TTC7B: variants seen among roughly 807,000 people sequenced by gnomAD.
The protein encoded by TTC7B is tetratricopeptide repeat domain 7B.
Under a neutral mutation model 106.8 loss-of-function variants are expected in TTC7B, and 28 were observed. The ratio of observed to expected loss-of-function variants is 0.26; its 90% CI spans 0.19 to 0.36. The LOEUF (loss-of-function observed/expected upper bound fraction) is 0.36. TTC7B is among the 10% of genes least tolerant of loss of function. The pLI is 1.00. For missense variants in TTC7B, 862 were observed against 1,076.4 expected, an observed-to-expected ratio of 0.80 and a Z score of 2.79; for synonymous variants, 405 against 430.6, an observed-to-expected ratio of 0.94 and a Z score of 0.74.
intron 3 of TTC7B, among the ~76,000 whole-genome samples, chr14:90,770,653 CAA>C (rs1376952647): frequency 2.6e-4 from 27 of 105,018 alleles, no homozygotes; most frequent in Admixed American, 3.1e-4. Flanking sequence ...AACTCCATCT[CAA>C]AAAAAAAAAA....
At chr14:90,646,495 T>A (rs1268753403) in intron 14 of TTC7B, among the ~76,000 whole-genome samples, 1 of 152,176 alleles carries the variant, frequency 6.6e-6, no homozygotes, top group Non-Finnish European at 1.5e-5. Flanking sequence ...AAGGACCTGG[T>A]TCTTTTGTCT....
In TTC7B at chr14:90,668,827, CTTTTTTT is replaced by C. The variant is rs11291974; in HGVS notation, c.1152+7689_1152+7695del. ...CAATGCATCCCTATCAAAATTTCAA[CTTTTTTT>C]TTTTTTTTTTTTTTTTTTTTGCAGT... On this transcript the variant is annotated intron_variant, in intron 9 of 19. Transcript: ENST00000328459. Among the ~76,000 whole-genome samples, 653 of 88,564 alleles carry C rather than the reference CTTTTTTT, an allele frequency of 7.4e-3. 3 individuals carry two copies. The highest frequency in any genetic ancestry group is 0.024 in the African/African-American group (548 of 22,468). 58.1% of individuals were successfully genotyped at this position (88,564 alleles called of 152,430 possible).
chr14:90,727,352 A>G, intron 5 of TTC7B, among the ~76,000 whole-genome samples: 1 of 152,208 alleles, frequency 6.6e-6, no homozygotes, highest in South Asian at 2.1e-4. Flanking sequence ...CTGGAGCCCA[A>G]GGAACTGTGT....
At chr14:90,558,111 C>A (rs1301976382) in intron 19 of TTC7B, among the ~76,000 whole-genome samples, 1 of 152,268 alleles carries the variant, frequency 6.6e-6, no homozygotes, top group Non-Finnish European at 1.5e-5. Flanking sequence ...TGTGCTGCAG[C>A]CACGCCTGCC....
At chr14:90,582,816 T>A (rs1421326309) in intron 18 of TTC7B, among the ~76,000 whole-genome samples, 1 of 152,194 alleles carries the variant, frequency 6.6e-6, no homozygotes, top group East Asian at 1.9e-4. Context: ...AAATTACACT[T>A]GCATGGGGCA....
At chr14:90,630,263 C>T (rs528437967) in intron 15 of TTC7B, among the ~76,000 whole-genome samples, 16 of 152,262 alleles carry the variant, frequency 1.1e-4, no homozygotes, top group East Asian at 5.8e-4. Flanking sequence ...AGCACAGAGC[C>T]AAAGCCTCAC....
At chr14:90,712,648 AT>A (rs1233349688) in intron 5 of TTC7B, among the ~76,000 whole-genome samples, 1 of 152,190 alleles carries the variant, frequency 6.6e-6, no homozygotes, top group Non-Finnish European at 1.5e-5. Flanking sequence ...GAGAGGTTGG[AT>A]TAGAATATTT....
intron 15 of TTC7B, among the ~76,000 whole-genome samples, chr14:90,632,757 A>G (rs1398218673): frequency 6.6e-6 from 1 of 152,228 alleles, no homozygotes; most frequent in African/African-American, 2.4e-5. Flanking sequence ...TCTTGGACAA[A>G]TTACTTAAAT....
At chr14:90,697,120 A>G (rs1186431422) in intron 5 of TTC7B, among the ~76,000 whole-genome samples, 21 of 152,210 alleles carry the variant, frequency 1.4e-4, no homozygotes, top group Admixed American at 1.3e-3. Context: ...ATAAGCTGTG[A>G]CTGAGGCAAC....
intron 5 of TTC7B, among the ~76,000 whole-genome samples, chr14:90,719,059 G>A (rs1267016015): frequency 1.3e-5 from 2 of 151,930 alleles, no homozygotes; most frequent in African/African-American, 2.4e-5. Flanking sequence ...CCAGGAGTTC[G>A]AGACCAGCCT....
chr14:90,585,393 C>G (rs143662425), intron 18 of TTC7B, among the ~76,000 whole-genome samples: 225 of 152,312 alleles, frequency 1.5e-3, no homozygotes, highest in African/African-American at 5.1e-3. Context: ...ACACATCATT[C>G]AGAGAGAAGT....
intron 15 of TTC7B, among the ~76,000 whole-genome samples, chr14:90,621,000 G>A (rs1884137232): frequency 6.6e-6 from 1 of 152,246 alleles, no homozygotes; most frequent in Admixed American, 6.5e-5. Flanking sequence ...GCATGAGAGA[G>A]GCTGGCAGAG....
chr14:90,551,746 C>T (rs983847092), intron 19 of TTC7B, among the ~76,000 whole-genome samples: 29 of 152,352 alleles, frequency 1.9e-4, no homozygotes, highest in African/African-American at 6.5e-4. Context: ...CTGAGGGCTG[C>T]CCTGCCTCCT....
chr14:90,622,546 T>A (rs995887707), intron 15 of TTC7B, among the ~76,000 whole-genome samples: 1 of 151,006 alleles, frequency 6.6e-6, no homozygotes, highest in Non-Finnish European at 1.5e-5. Flanking sequence ...CTGGGCAACA[T>A]GGTGAAACCC....
chr14:90,698,012 C>T (rs1265997966), intron 5 of TTC7B: 1 of 152,182 alleles, frequency 6.6e-6, no homozygotes, highest in Non-Finnish European at 1.5e-5. Context: ...AAGCTACAAC[C>T]CATTGCAATG....
Position 90,676,374 on chromosome 14 carries a change from G to C in TTC7B, c.1152+149C>G, listed in dbSNP as rs1028023519. ...TTTAGCCCAAGGCCCATTCTACAGGGGAGAAAACCAAAGTTAAGTGACTGG... is the reference window on the plus strand; with the variant it reads ...TTTAGCCCAAGGCCCATTCTACAGGCGAGAAAACCAAAGTTAAGTGACTGG... On this transcript the variant is annotated intron_variant, in intron 9 of 19. Coordinates refer to ENST00000328459, the MANE Select transcript of TTC7B (RefSeq NM_001010854.2). The C allele has an allele frequency of 7.2e-5, 61 of 843,932 alleles. No homozygotes were observed. In the African/African-American group the frequency reaches 9.3e-4, roughly 13 times the overall value. 52.3% of individuals were successfully genotyped at this position (843,932 alleles called of 1,614,324 possible).
At chr14:90,643,636 G>T (rs950077625) in intron 15 of TTC7B, among the ~76,000 whole-genome samples, 1 of 152,094 alleles carries the variant, frequency 6.6e-6, no homozygotes, top group African/African-American at 2.4e-5. Context: ...GGAATGCAGT[G>T]CAGGGGTACA....
At chr14:90,618,339 C>G (rs72691735) in intron 15 of TTC7B, among the ~76,000 whole-genome samples, 2,203 of 152,350 alleles carry the variant, frequency 0.014, 30 homozygotes, top group Non-Finnish European at 0.025. Flanking sequence ...TAAAAGCATG[C>G]TTTTTAGAAC....
At chr14:90,672,013 G>A (rs1229396931) in intron 9 of TTC7B, among the ~76,000 whole-genome samples, 2 of 152,206 alleles carry the variant, frequency 1.3e-5, no homozygotes, top group Non-Finnish European at 2.9e-5. Context: ...GGGTGCCAAG[G>A]ACAGGAGAGA....
Sources: allele counts gnomAD v4.1 joint callset (sites outside exome capture counted in the v4.1 genomes callset), GRCh38; gene constraint gnomAD v4.1.1; transcripts MANE v1.5; gene names NCBI Gene and HGNC (gene_info 2026-07-23, HGNC 2026-07-21).